The following EXOC6 variants were observed in gnomAD, a reference collection of about 807,000 sequenced individuals.
EXOC6 encodes SEC15-like 1.
Under a neutral mutation model 112.5 loss-of-function variants are expected in EXOC6, and 60 were observed. The ratio of observed to expected loss-of-function variants is 0.53; its 90% confidence interval spans 0.43 to 0.66. EXOC6 has a LOEUF of 0.66. Among genes scored for constraint, EXOC6 ranks in the 30% least tolerant of loss-of-function variants. The pLI is 0.00. For missense variants in EXOC6, 855 were observed against 957.1 expected (o/e 0.89, Z 1.41); for synonymous variants, 295 against 308.0 (o/e 0.96, Z 0.44).
At chr10:92,975,474 T>TGG (rs565527469) in intron 18 of EXOC6, among the ~76,000 whole-genome samples, 4 of 127,944 alleles carry the variant, frequency 3.1e-5, no homozygotes, top group African/African-American at 6.3e-5. Context: ...GGGAGGGAGG[T>TGG]GGGGGGGGTC....
At chr10:92,982,583 A>G (rs2134126888) in intron 18 of EXOC6, among the ~76,000 whole-genome samples, 1 of 152,362 alleles carries the variant, frequency 6.6e-6, no homozygotes, top group South Asian at 2.1e-4. Flanking sequence ...CATGCTGTCA[A>G]AGAAAAATTG....
At chr10:92,874,308 G>T (rs898692385) in intron 1 of EXOC6, among the ~76,000 whole-genome samples, 1 of 152,084 alleles carries the variant, frequency 6.6e-6, no homozygotes, top group African/African-American at 2.4e-5. Context: ...ATCATCATCA[G>T]CCTGGTGACC....
intron 14 of EXOC6, 31 bp downstream of exon 14, chr10:92,948,410 C>A: frequency 1.6e-6 from 2 of 1,258,434 alleles, no homozygotes; most frequent in Non-Finnish European, 1.1e-6. Context: ...CAAGGATTTT[C>A]TTAAAAATAA....
Position 92,899,653 on chromosome 10 carries a change from GT to G in EXOC6, c.458+16del, listed in dbSNP as rs758347935. 22 of 1,601,618 alleles carry G rather than the reference GT, an allele frequency of 1.4e-5. No homozygotes were observed. In the African/African-American group the frequency reaches 1.6e-4, roughly 12 times the overall value. On this transcript the variant is annotated intron_variant, in intron 5 of 21. Transcript: ENST00000260762. The stretch of plus-strand genomic sequence containing the variant: ...CAGATGAGTGCCAAAAGGTGAGTTG[GT>G]TTTTTTCCTATTGTTTTAAATAAGA...
rs78139383 is a variant in EXOC6 at position 92,897,916 on chromosome 10, C to T, written c.413-1683C>T. Among the ~76,000 whole-genome samples, 71 of 152,258 alleles carry T rather than the reference C, an allele frequency of 4.7e-4. No homozygotes were observed. The South Asian group carries it at 7.3e-3, about 16-fold the overall frequency. ...CTAAAATGTATAAAAGCAAACTGTACGCCTGACGACTTGGGCACATGTTTT... is the reference window on the plus strand; with the variant it reads ...CTAAAATGTATAAAAGCAAACTGTATGCCTGACGACTTGGGCACATGTTTT... On this transcript the variant is annotated intron_variant, in intron 4 of 21. Coordinates refer to ENST00000260762, the MANE Select transcript of EXOC6 (RefSeq NM_019053.6).
upstream of EXOC6, chr10:92,848,430 A>C: frequency 1.1e-6 from 1 of 884,784 alleles, no homozygotes; most frequent in Non-Finnish European, 1.4e-6. Flanking sequence ...CGCCGGCCCG[A>C]GCGCCCCGCC....
intron 14 of EXOC6, 103 bp from the exon 15 acceptor site, chr10:92,952,170 A>G (rs983006278): frequency 6.0e-6 from 4 of 661,742 alleles, no homozygotes; most frequent in Non-Finnish European, 1.1e-5. Flanking sequence ...TGATGCAGGT[A>G]TTTGCTATTC....
At chr10:92,956,267 G>A (rs1385359391) in intron 17 of EXOC6, among the ~76,000 whole-genome samples, 1 of 152,010 alleles carries the variant, frequency 6.6e-6, no homozygotes, top group Non-Finnish European at 1.5e-5. Flanking sequence ...ATTATTTGGA[G>A]TCATAGATGA....
chr10:92,935,588 CTT>C (rs757246394), intron 11 of EXOC6, among the ~76,000 whole-genome samples: 180 of 152,054 alleles, frequency 1.2e-3, no homozygotes, highest in Admixed American at 2.1e-3. Flanking sequence ...AATCTAAAAA[CTT>C]TTGAAATATA....
At chr10:92,846,833 C>G (rs559627395), upstream of EXOC6, among the ~76,000 whole-genome samples, 1 of 152,278 alleles carries the variant, frequency 6.6e-6, no homozygotes, top group Non-Finnish European at 1.5e-5. Context: ...GTTAAGGACC[C>G]TGAGATGGAA....
chr10:92,871,855 G>A (rs1324431200), intron 1 of EXOC6, among the ~76,000 whole-genome samples: 1 of 151,712 alleles, frequency 6.6e-6, no homozygotes, highest in Non-Finnish European at 1.5e-5. Context: ...TCTTTCAATG[G>A]TTATATCCCA....
intron 20 of EXOC6, among the ~76,000 whole-genome samples, chr10:93,055,227 T>C (rs1846483515): frequency 6.6e-6 from 1 of 152,226 alleles, no homozygotes; most frequent in Non-Finnish European, 1.5e-5. Flanking sequence ...GCAACATTTA[T>C]CATAAACATT....
At chr10:92,849,036 G>A (rs1256100913) in intron 1 of EXOC6, among the ~76,000 whole-genome samples, 1 of 152,140 alleles carries the variant, frequency 6.6e-6, no homozygotes, top group South Asian at 2.1e-4. Context: ...TGCCAGGCTA[G>A]GGTCGACAGC....
At chr10:93,040,438 G>A (rs973645713) in intron 20 of EXOC6, among the ~76,000 whole-genome samples, 11 of 152,032 alleles carry the variant, frequency 7.2e-5, no homozygotes, top group African/African-American at 1.4e-4. Context: ...TAGTAGAGGC[G>A]GGGTTTCACT....
At chr10:93,013,792 C>A (rs1844368932) in intron 19 of EXOC6, among the ~76,000 whole-genome samples, 1 of 152,064 alleles carries the variant, frequency 6.6e-6, no homozygotes, top group Admixed American at 6.6e-5. Context: ...CTATTCTTTA[C>A]CAAAGCAAAT....
intron 19 of EXOC6, among the ~76,000 whole-genome samples, chr10:92,999,083 G>T (rs538788512): frequency 2.6e-5 from 4 of 152,080 alleles, no homozygotes; most frequent in Non-Finnish European, 5.9e-5. Context: ...CATTGGTCAG[G>T]CTGGTCGCAA....
At chr10:92,909,957 C>T (rs1475908326) in intron 6 of EXOC6, among the ~76,000 whole-genome samples, 1 of 152,196 alleles carries the variant, frequency 6.6e-6, no homozygotes, top group Non-Finnish European at 1.5e-5. Flanking sequence ...GCCCCAGAGG[C>T]AAGTGGGAGC....
At chr10:92,978,557 A>G (rs1441197468) in intron 18 of EXOC6, among the ~76,000 whole-genome samples, 8 of 152,318 alleles carry the variant, frequency 5.3e-5, no homozygotes, top group South Asian at 4.1e-4. Context: ...TGCTTTGTAT[A>G]TTAGTTTTCT....
chr10:92,978,251 A>T (rs988165147), intron 18 of EXOC6, among the ~76,000 whole-genome samples: 1 of 152,112 alleles, frequency 6.6e-6, no homozygotes, highest in Non-Finnish European at 1.5e-5. Context: ...CTCTACAAAA[A>T]ATACAAAAAT....
Sources: gnomAD v4.1 joint callset for allele counts (sites outside exome capture counted in the v4.1 genomes callset) on GRCh38, gnomAD v4.1.1 for gene constraint, MANE v1.5 for transcripts, NCBI Gene and HGNC (gene_info 2026-07-23, HGNC 2026-07-21) for gene names.